VWA2: variants seen among roughly 807,000 people sequenced by gnomAD.
VWA2 encodes von Willebrand factor A domain-containing protein 2.
VWA2 carries 73 observed loss-of-function variants against 70.4 expected under a neutral mutation model. That is an observed-to-expected ratio of 1.04 (90% CI 0.86 to 1.26). The LOEUF (loss-of-function observed/expected upper bound fraction) is 1.26. Among genes scored for constraint, VWA2 ranks in the 50% most tolerant of loss-of-function variants. The probability of loss-of-function intolerance (pLI) is 0.00; values close to 1 mark genes in which losing one functional copy is unlikely to be tolerated. For missense variants in VWA2, 1,011 were observed against 998.5 expected (o/e 1.01, Z -0.17); for synonymous variants, 407 against 423.3 (o/e 0.96, Z 0.47).
chr10:114,283,823 A>G (rs4603257), intron 9 of VWA2, among the ~76,000 whole-genome samples: 5 of 152,254 alleles, frequency 3.3e-5, no homozygotes, highest in African/African-American at 1.2e-4. Flanking sequence ...GGCTGATACA[A>G]CAGCAGCCCC....
At chr10:114,253,024 CTT>C (rs2037230984) in intron 2 of VWA2, among the ~76,000 whole-genome samples, 1 of 151,390 alleles carries the variant, frequency 6.6e-6, no homozygotes, top group Non-Finnish European at 1.5e-5. Flanking sequence ...GTGTACCTCT[CTT>C]CTGCTGCTAG....
intron 1 of VWA2, among the ~76,000 whole-genome samples, chr10:114,247,036 G>C (rs1412949475): frequency 6.6e-6 from 1 of 152,194 alleles, no homozygotes; most frequent in East Asian, 1.9e-4. Context: ...CAAATCCAGA[G>C]TGTGGCTGTG....
Position 114,285,842 on chromosome 10 carries a change from C to A in VWA2, c.998-97C>A. 3 of 1,288,502 alleles carry A rather than the reference C, an allele frequency of 2.3e-6. No individual in the cohort carries two copies. The East Asian group carries it at 7.5e-5, about 32-fold the overall frequency. The allele number at this position is 1,288,502 out of a possible 1,614,324, so 79.8% of individuals were successfully genotyped here. A position where few individuals can be genotyped will look rare whatever the true frequency, so the allele number is the denominator to read the frequency against. The stretch of plus-strand genomic sequence containing the variant: ...TTGGGGGGCCCACAGTTTCTCTGCA[C>A]CATCTCCCTCCTGGGAGATGTTCGG... On this transcript the variant is annotated intron_variant, in intron 10 of 13. Coordinates refer to ENST00000392982, the MANE Select transcript of VWA2 (RefSeq NM_001272046.2).
chr10:114,282,389 C>A, intron 8 of VWA2, 127 bp from the exon 9 acceptor site: 1 of 746,508 alleles, frequency 1.3e-6, no homozygotes, highest in Non-Finnish European at 2.4e-6. Flanking sequence ...AGAAACAAAA[C>A]CAGGAAGTCT....
chr10:114,284,256 C>T (rs1385519533), intron 9 of VWA2, among the ~76,000 whole-genome samples: 1 of 152,172 alleles, frequency 6.6e-6, no homozygotes, highest in East Asian at 1.9e-4. Flanking sequence ...CTGTCATTAC[C>T]TGTTGGGGAG....
In VWA2 at chr10:114,272,748, G is replaced by A. The variant is rs772425631; in HGVS notation, c.380G>A (p.Arg127His). 11 of 1,603,914 alleles carry A rather than the reference G, an allele frequency of 6.9e-6. No individual in the cohort carries two copies. Among genetic ancestry groups the A allele is most frequent in the East Asian group, 4.5e-5 (2 of 44,480 alleles). The change falls in exon 6 of 14, where the codon CGC becomes CAC. Residue 127 changes from arginine (R) to histidine (H), a missense_variant. Coordinates refer to ENST00000392982, the MANE Select transcript of VWA2 (RefSeq NM_001272046.2). ...RIKRMVFKGG[R>H]TETELALKYL... Reference sequence around the variant, plus strand: ...CTTCTGGGTGTGCACAGAGGAGGGCGCACGGAGACGGAACTTGCTCTGAAA... The same window carrying A: ...CTTCTGGGTGTGCACAGAGGAGGGCACACGGAGACGGAACTTGCTCTGAAA...
intron 4 of VWA2, among the ~76,000 whole-genome samples, chr10:114,257,684 ATGTGCG>A (rs2037360308): frequency 6.6e-6 from 1 of 152,208 alleles, no homozygotes; most frequent in South Asian, 2.1e-4. Context: ...GTGGCAGTGT[ATGTGCG>A]TGTGAGGAGG....
chr10:114,253,736 G>A lies in VWA2; in HGVS notation c.127+11G>A, dbSNP rs1348190358. The A allele has an allele frequency of 9.3e-6, 15 of 1,611,894 alleles. No homozygotes were observed. The highest frequency in any genetic ancestry group is 2.2e-5 in the East Asian group (1 of 44,730). ...CAGCTGCCAGCAAAAGTAAGCCCAG[G>A]TTCTTCTTAACCCTCCAGATGCCCA... is the stretch of plus-strand genomic sequence containing the variant. On this transcript the variant is annotated intron_variant, in intron 3 of 13. Coordinates refer to ENST00000392982, the MANE Select transcript of VWA2 (RefSeq NM_001272046.2).
chr10:114,284,927 C>G lies in VWA2; in HGVS notation c.954C>G (p.Tyr318Ter), dbSNP rs1361397985. Residue 318 changes from tyrosine to a stop codon, truncating the protein, a stop_gained, in exon 10 of 14, where the codon TAC (tyrosine) becomes TAG (stop). Coordinates refer to ENST00000392982, the MANE Select transcript of VWA2 (RefSeq NM_001272046.2). LOFTEE classifies it high-confidence loss of function. The part of the protein sequence containing the change: ...GTCVPEGLDG[Y>*]QCLCPLAFGG... ...GTGTTCCAGAAGGACTGGACGGCTACCAGTGCCTCTGCCCGCTGGCCTTTG... is the reference window on the plus strand; with the variant it reads ...GTGTTCCAGAAGGACTGGACGGCTAGCAGTGCCTCTGCCCGCTGGCCTTTG... 4 of 1,605,630 alleles carry G rather than the reference C, an allele frequency of 2.5e-6. No individual in the cohort carries two copies. The highest frequency in any genetic ancestry group is 2.3e-5 in the East Asian group (1 of 44,380).
At chr10:114,259,870 G>C (rs1033368530) in intron 4 of VWA2, among the ~76,000 whole-genome samples, 2 of 152,120 alleles carry the variant, frequency 1.3e-5, no homozygotes, top group Non-Finnish European at 2.9e-5. Flanking sequence ...ATTTCTTTCT[G>C]CTTAAGGTGC....
chr10:114,288,085 A>C (rs2039130176), intron 11 of VWA2, among the ~76,000 whole-genome samples: 1 of 152,126 alleles, frequency 6.6e-6, no homozygotes, highest in African/African-American at 2.4e-5. Flanking sequence ...AATAAAACCC[A>C]AACTCCTTCC....
Position 114,261,229 on chromosome 10 carries a change from A to T in VWA2, c.305A>T (p.Glu102Val). 1 of 1,614,168 alleles carries T rather than the reference A, an allele frequency of 6.2e-7. No individual in the cohort carries two copies. Among genetic ancestry groups the T allele is most frequent in the South Asian group, 1.1e-5 (1 of 91,076 alleles). Residue 102 changes from glutamate to valine, a missense_variant, in exon 5 of 14, where the codon GAA becomes GTA. Glu to Val is a moderately radical substitution (Grantham distance 121). Coordinates refer to ENST00000392982, the MANE Select transcript of VWA2 (RefSeq NM_001272046.2). ...CAGTTCAGTTCCACTCCTCATCTGG[A>T]ATTCCCCTTGGATTCATTTTCAACC... ...AFQFSSTPHL[E>V]FPLDSFSTQQ...
intron 8 of VWA2, 118 bp downstream of exon 8, chr10:114,278,969 A>G: frequency 6.8e-7 from 1 of 1,478,276 alleles, no homozygotes; most frequent in Non-Finnish European, 9.2e-7. Flanking sequence ...ATCGAAGGAG[A>G]CCTGGGAGGG....
intron 13 of VWA2, among the ~76,000 whole-genome samples, 182 bp from the exon 14 acceptor site, chr10:114,291,036 T>G (rs1162195084): frequency 1.3e-5 from 2 of 152,054 alleles, no homozygotes; most frequent in East Asian, 3.9e-4. Context: ...AGAGGTTGGC[T>G]TCCTAAGGCC....
intron 12 of VWA2, 148 bp downstream of exon 12, chr10:114,289,637 T>C: frequency 1.2e-6 from 1 of 844,788 alleles, no homozygotes; most frequent in Non-Finnish European, 1.9e-6. Flanking sequence ...AACCCCATGC[T>C]CACATAAAAT....
intron 4 of VWA2, 32 bp downstream of exon 4, chr10:114,255,080 G>C: frequency 6.2e-7 from 1 of 1,607,376 alleles, no homozygotes; most frequent in Non-Finnish European, 8.5e-7. Context: ...GTTTGTGTTA[G>C]GGCGTCTTCT....
intron 1 of VWA2, among the ~76,000 whole-genome samples, chr10:114,248,039 C>T (rs1208717614): frequency 6.0e-5 from 9 of 149,758 alleles, no homozygotes; most frequent in Non-Finnish European, 1.3e-4. Context: ...CCCCGGGAGG[C>T]GGAGGTTGCA....
At chr10:114,240,871 C>A (rs1353875008) in intron 1 of VWA2, among the ~76,000 whole-genome samples, 1 of 152,198 alleles carries the variant, frequency 6.6e-6, no homozygotes, top group Non-Finnish European at 1.5e-5. Context: ...CCAGGCAAAT[C>A]CCAGGTTGGA....
At chr10:114,273,018 C>G in intron 6 of VWA2, 84 bp downstream of exon 6, 1 of 1,257,406 alleles carries the variant, frequency 8.0e-7, no homozygotes, top group South Asian at 1.6e-5. Context: ...AGGGAGGGGA[C>G]TGGAAGAGCC....
Sources: allele counts gnomAD v4.1 joint callset (sites outside exome capture counted in the v4.1 genomes callset), GRCh38; gene constraint gnomAD v4.1.1; transcripts MANE v1.5; gene names NCBI Gene and HGNC (gene_info 2026-07-23, HGNC 2026-07-21).